Variants in DISC1 observed in about 807,000 individuals in gnomAD.
DISC1 encodes DISC1 scaffold protein.
Under a neutral mutation model 84.5 loss-of-function variants are expected in DISC1, and 57 were observed. The observed-to-expected ratio is 0.67, with a 90% CI of 0.55 to 0.84. DISC1 has a LOEUF of 0.84. Ranked by LOEUF, DISC1 falls within the 40% of genes least tolerant of loss-of-function variation. The pLI is 0.00. For synonymous variants in DISC1, 411 were observed against 415.2 expected, an observed-to-expected ratio of 0.99 and a Z score of 0.12; for missense variants, 1,000 against 1,057.8, an observed-to-expected ratio of 0.95 and a Z score of 0.76.
chr1:231,643,027 G>C (rs929537792), intron 1 of DISC1, among the ~76,000 whole-genome samples: 1 of 152,204 alleles, frequency 6.6e-6, no homozygotes, highest in African/African-American at 2.4e-5. Context: ...TGCCGGCTCT[G>C]TAAATTTTCA....
intron 3 of DISC1, among the ~76,000 whole-genome samples, chr1:231,741,136 A>G (rs1205511631): frequency 6.6e-6 from 1 of 152,216 alleles, no homozygotes; most frequent in Non-Finnish European, 1.5e-5. Flanking sequence ...TCCTTGCAGA[A>G]GTGCTGACAA....
At chr1:231,776,289 T>G (rs995579733) in intron 6 of DISC1, among the ~76,000 whole-genome samples, 7 of 152,220 alleles carry the variant, frequency 4.6e-5, no homozygotes, top group African/African-American at 1.7e-4. Context: ...CTGGCTTGTA[T>G]TCATCTGGGG....
chr1:232,013,112 G>GT (rs1356770166), intron 11 of DISC1, among the ~76,000 whole-genome samples: 14 of 152,178 alleles, frequency 9.2e-5, no homozygotes, highest in Non-Finnish European at 2.1e-4. Context: ...TGTACGGGCT[G>GT]TTCTGGCCAT....
rs1670673682 is a variant in DISC1, at chr1:232,038,997, A to T, written c.*2166A>T. 1 of 152,266 alleles carries T rather than the reference A, an allele frequency of 6.6e-6. No individual in the cohort carries two copies. Among genetic ancestry groups the T allele is most frequent in the Non-Finnish European group, 1.5e-5 (1 of 68,054 alleles). The allele number at this position is 152,266 out of a possible 1,614,324, so 9.4% of individuals were successfully genotyped here. On this transcript the variant is annotated 3_prime_UTR_variant, in exon 13 of 13. Transcript: ENST00000439617. ...GGGGTCCAGGAAACAAAGCAAAAGC[A>T]CAATATGTGAATGTGCTGATTGTGT...
chr1:231,833,943 G>A lies in DISC1; in HGVS notation c.1981+15426G>A, dbSNP rs567127259. Among the ~76,000 whole-genome samples the A allele has an allele frequency of 2.6e-5, 4 of 152,302 alleles. No homozygotes were observed. In the South Asian group the frequency reaches 6.2e-4, roughly 24 times the overall value. On this transcript the variant is annotated intron_variant, in intron 9 of 12. Coordinates refer to ENST00000439617, the MANE Select transcript of DISC1 (RefSeq NM_018662.3). ...TCCAGAGCAGATTGGGTAATAAAAT[G>A]TATTTTGAGAATAAGACGGCCTTTT...
intron 6 of DISC1, among the ~76,000 whole-genome samples, chr1:231,776,438 G>T (rs959444297): frequency 6.6e-6 from 1 of 152,322 alleles, no homozygotes; most frequent in African/African-American, 2.4e-5. Context: ...GGCACAAAGT[G>T]TGAAACAAAC....
At chr1:231,904,459 ACT>A (rs1326852099) in intron 9 of DISC1, among the ~76,000 whole-genome samples, 2 of 152,170 alleles carry the variant, frequency 1.3e-5, no homozygotes, top group African/African-American at 4.8e-5. Context: ...TTGGTGTCTC[ACT>A]AGTGAAGAAG....
At chr1:231,750,374 G>T in intron 4 of DISC1, 1 of 1,166,394 alleles carries the variant, frequency 8.6e-7, no homozygotes, top group African/African-American at 1.6e-5. Context: ...AGAAGGTGGG[G>T]GTAATTTCCT....
intron 1 of DISC1, among the ~76,000 whole-genome samples, chr1:231,680,171 T>A (rs1411070348): frequency 6.6e-6 from 1 of 152,136 alleles, no homozygotes; most frequent in Non-Finnish European, 1.5e-5. Context: ...GAGGCTGTAG[T>A]GAGCCGAGAT....
chr1:232,030,683 G>T (rs973177648), intron 12 of DISC1, among the ~76,000 whole-genome samples: 1 of 152,162 alleles, frequency 6.6e-6, no homozygotes, highest in Non-Finnish European at 1.5e-5. Flanking sequence ...AAATTTTAGC[G>T]TGAACAGACA....
chr1:231,938,665 G>A (rs981184670), intron 9 of DISC1, among the ~76,000 whole-genome samples: 4 of 152,156 alleles, frequency 2.6e-5, no homozygotes, highest in Admixed American at 6.5e-5. Context: ...CCAATCATTC[G>A]TGTTGTTTTA....
chr1:231,835,094 G>A (rs1489220538), intron 9 of DISC1, among the ~76,000 whole-genome samples: 3 of 152,276 alleles, frequency 2.0e-5, no homozygotes, highest in Non-Finnish European at 2.9e-5. Context: ...AAAAGAGGCC[G>A]CTTACCAGAT....
chr1:231,701,265 C>T (rs1350645290), intron 2 of DISC1, among the ~76,000 whole-genome samples: 3 of 152,104 alleles, frequency 2.0e-5, no homozygotes, highest in African/African-American at 7.2e-5. Context: ...AAGACCCACC[C>T]CCATGATTCA....
intron 4 of DISC1, 120 bp downstream of exon 4, chr1:231,750,196 G>T: frequency 2.0e-6 from 3 of 1,468,440 alleles, no homozygotes; most frequent in Non-Finnish European, 2.7e-6. Context: ...TTCCTGGGAA[G>T]GGCCCTTTGT....
chr1:231,880,755 G>T (rs559234358), intron 9 of DISC1, among the ~76,000 whole-genome samples: 3,288 of 32,540 alleles, frequency 0.1, 105 homozygotes, highest in African/African-American at 0.29. Flanking sequence ...GCAAGGCAAG[G>T]TGGGGGGGGG....
intron 10 of DISC1, among the ~76,000 whole-genome samples, chr1:231,978,273 C>T (rs1172332163): frequency 6.6e-6 from 1 of 152,136 alleles, no homozygotes; most frequent in African/African-American, 2.4e-5. Flanking sequence ...GTTGAGCACT[C>T]CATCCTTCTT....
chr1:232,013,940 G>T (rs1479200288), intron 11 of DISC1, among the ~76,000 whole-genome samples: 2 of 152,112 alleles, frequency 1.3e-5, no homozygotes, highest in Non-Finnish European at 1.5e-5. Flanking sequence ...AGTGTGAGAG[G>T]GGAGGGCAAG....
intron 9 of DISC1, among the ~76,000 whole-genome samples, chr1:231,912,787 TTCTTTCTTTC>T (rs1468238874): frequency 6.9e-6 from 1 of 144,256 alleles, no homozygotes; most frequent in Non-Finnish European, 1.5e-5. Context: ...CTTTCTTTCT[TTCTTTCTTTC>T]TTTCTTTCTT....
intron 3 of DISC1, among the ~76,000 whole-genome samples, chr1:231,728,865 T>C (rs922197462): frequency 1.3e-5 from 2 of 152,210 alleles, no homozygotes; most frequent in Non-Finnish European, 2.9e-5. Context: ...TATTATGCTT[T>C]AAGTTTTAGG....
Sources: allele counts gnomAD v4.1 joint callset (sites outside exome capture counted in the v4.1 genomes callset), GRCh38; gene constraint gnomAD v4.1.1; transcripts MANE v1.5; gene names NCBI Gene and HGNC (gene_info 2026-07-23, HGNC 2026-07-21).